The following PACRG variants were observed in gnomAD, a reference collection of about 807,000 sequenced individuals.
PACRG encodes parkin coregulated, also known as parkin coregulated gene protein.
A neutral mutation model predicts 29.7 loss-of-function variants in PACRG; 29 were observed. The ratio of observed to expected loss-of-function variants is 0.98; its 90% CI spans 0.73 to 1.33. PACRG has a LOEUF of 1.33. Among genes scored for constraint, PACRG ranks in the 40% most tolerant of loss-of-function variants. The probability of loss-of-function intolerance (pLI) is 0.00; values close to 1 mark genes in which losing one functional copy is unlikely to be tolerated. For synonymous variants in PACRG, 116 were observed against 118.7 expected (o/e 0.98, Z 0.15); for missense variants, 279 against 316.2 (o/e 0.88, Z 0.89).
chr6:162,810,640 C>A (rs1032749621), intron 1 of PACRG, among the ~76,000 whole-genome samples: 3 of 152,068 alleles, frequency 2.0e-5, no homozygotes, highest in African/African-American at 4.8e-5. Flanking sequence ...ACTGAAAATA[C>A]AACTCAAATT....
intron 4 of PACRG, among the ~76,000 whole-genome samples, chr6:163,138,534 C>A (rs1817028731): frequency 6.6e-6 from 1 of 152,186 alleles, no homozygotes; most frequent in African/African-American, 2.4e-5. Context: ...GCATTAGATT[C>A]TCATAAGGAG....
intron 4 of PACRG, among the ~76,000 whole-genome samples, chr6:163,289,381 T>C (rs949642537): frequency 2.0e-5 from 3 of 152,218 alleles, no homozygotes; most frequent in African/African-American, 7.2e-5. Context: ...AGGGACATTA[T>C]AGGTTAAGAG....
intron 2 of PACRG, among the ~76,000 whole-genome samples, chr6:162,975,235 C>T (rs1168752971): frequency 6.6e-6 from 1 of 152,130 alleles, no homozygotes; most frequent in African/African-American, 2.4e-5. Context: ...CAGCCACCGT[C>T]ATGTAAATTG....
At chr6:162,842,523 A>C (rs1293947096) in intron 2 of PACRG, among the ~76,000 whole-genome samples, 2 of 151,764 alleles carry the variant, frequency 1.3e-5, no homozygotes, top group Non-Finnish European at 2.9e-5. Flanking sequence ...TGAATACAGC[A>C]CACTGATGGG....
intron 4 of PACRG, among the ~76,000 whole-genome samples, chr6:163,253,106 G>C (rs1049115678): frequency 6.6e-6 from 1 of 151,858 alleles, no homozygotes; most frequent in East Asian, 1.9e-4. Context: ...AGACCAGCCT[G>C]GCCAACGTGG....
intron 4 of PACRG, among the ~76,000 whole-genome samples, chr6:163,141,790 G>T (rs1448377334): frequency 6.6e-6 from 1 of 151,996 alleles, no homozygotes; most frequent in Non-Finnish European, 1.5e-5. Context: ...AACATGTAAA[G>T]TAAAAGCTAA....
At chr6:163,026,211 C>T (rs1451791097) in intron 2 of PACRG, among the ~76,000 whole-genome samples, 2 of 152,128 alleles carry the variant, frequency 1.3e-5, no homozygotes, top group African/African-American at 4.8e-5. Context: ...TCACTGAAAG[C>T]CTTGTGTAAG....
At chr6:163,100,930 T>C in intron 4 of PACRG, 1 of 985,046 alleles carries the variant, frequency 1.0e-6, no homozygotes, top group Non-Finnish European at 1.2e-6. Context: ...TTCCAAGTAA[T>C]AAAGAAGAAA....
At chr6:163,276,655 C>T (rs903971491) in intron 4 of PACRG, among the ~76,000 whole-genome samples, 5 of 152,096 alleles carry the variant, frequency 3.3e-5, no homozygotes, top group African/African-American at 1.2e-4. Context: ...GAAGTGAGGC[C>T]TTTGGGGGGT....
At chr6:162,797,070 A>T (rs1357227954) in intron 1 of PACRG, among the ~76,000 whole-genome samples, 1 of 152,206 alleles carries the variant, frequency 6.6e-6, no homozygotes, top group Non-Finnish European at 1.5e-5. Context: ...TGAGGTCAGG[A>T]GTTCGAGACC....
rs566401377 is a variant in PACRG, at chr6:163,184,399, C to G, written c.613+94991C>G. Among the ~76,000 whole-genome samples the G allele has an allele frequency of 2.0e-5, 3 of 152,226 alleles. No homozygotes were observed. The South Asian group carries it at 6.2e-4, about 32-fold the overall frequency. ...GTCCATACTAGCTCAGTAACACTGC[C>G]CCTGATAACATTTCATGTGGCCATG... On this transcript the variant is annotated intron_variant, in intron 4 of 4. Transcript: ENST00000366888.
At chr6:162,785,856 C>A (rs1283799163) in intron 1 of PACRG, among the ~76,000 whole-genome samples, 2 of 152,150 alleles carry the variant, frequency 1.3e-5, no homozygotes, top group Non-Finnish European at 2.9e-5. Context: ...GGATTGGGGA[C>A]CCCTACCATG....
intron 2 of PACRG, among the ~76,000 whole-genome samples, chr6:163,041,254 G>A (rs1037479843): frequency 5.3e-5 from 8 of 152,134 alleles, no homozygotes; most frequent in Non-Finnish European, 7.4e-5. Context: ...GGAGAATGGC[G>A]TGAACCTGGG....
Position 162,743,616 on chromosome 6 carries a change from C to A in PACRG, c.156+15225C>A, listed in dbSNP as rs557847907. Among the ~76,000 whole-genome samples, 3 of 152,166 alleles carry A rather than the reference C, an allele frequency of 2.0e-5. No homozygotes were observed. The South Asian group carries it at 6.2e-4, about 32-fold the overall frequency. ...TGATAATGGATTTCTTATTTCTACTCTCACATATTTTTTTCTTTTGCTTTC... is the reference window on the plus strand; with the variant it reads ...TGATAATGGATTTCTTATTTCTACTATCACATATTTTTTTCTTTTGCTTTC... On this transcript the variant is annotated intron_variant, in intron 1 of 4. Coordinates refer to ENST00000366888, the MANE Select transcript of PACRG (RefSeq NM_001080379.2).
intron 2 of PACRG, among the ~76,000 whole-genome samples, chr6:162,865,094 C>T (rs1042396396): frequency 2.6e-5 from 4 of 152,148 alleles, no homozygotes; most frequent in African/African-American, 9.7e-5. Context: ...GTGTAATATA[C>T]TCCCTCTAGG....
intron 4 of PACRG, among the ~76,000 whole-genome samples, chr6:163,229,606 A>G (rs1781944291): frequency 6.6e-6 from 1 of 152,208 alleles, no homozygotes; most frequent in South Asian, 2.1e-4. Context: ...GTCAAGCACC[A>G]TCGTTCCCCT....
At chr6:162,847,176 G>A (rs756940678) in intron 2 of PACRG, among the ~76,000 whole-genome samples, 2 of 152,086 alleles carry the variant, frequency 1.3e-5, no homozygotes, top group African/African-American at 2.4e-5. Context: ...ACCACCTTAC[G>A]GGTCCACACT....
chr6:163,248,437 A>C (rs1432193861), intron 4 of PACRG, among the ~76,000 whole-genome samples: 2 of 152,010 alleles, frequency 1.3e-5, no homozygotes, highest in African/African-American at 4.8e-5. Context: ...TATGCAAAAA[A>C]AAAAAAAAAA....
At chr6:163,177,204 A>T (rs1026290518) in intron 4 of PACRG, among the ~76,000 whole-genome samples, 1 of 152,212 alleles carries the variant, frequency 6.6e-6, no homozygotes, top group African/African-American at 2.4e-5. Context: ...CGGCCCAGGG[A>T]GATAGAGACA....
Sources: gnomAD v4.1 joint callset for allele counts (sites outside exome capture counted in the v4.1 genomes callset) on GRCh38, gnomAD v4.1.1 for gene constraint, MANE v1.5 for transcripts, NCBI Gene and HGNC (gene_info 2026-07-23, HGNC 2026-07-21) for gene names.